Variants in XRCC5 observed in about 807,000 individuals in gnomAD.
XRCC5 encodes the protein X-ray repair cross complementing 5, also known as DNA repair protein Ku80.
Under a neutral mutation model 95.7 loss-of-function variants are expected in XRCC5, and 12 were observed. The ratio of observed to expected loss-of-function variants is 0.13; its 90% CI spans 0.08 to 0.20. The LOEUF is 0.20. XRCC5 is among the 10% of genes least tolerant of loss of function. The probability of loss-of-function intolerance (pLI) is 1.00; values close to 1 mark genes in which losing one functional copy is unlikely to be tolerated. For synonymous variants in XRCC5, 281 were observed against 290.3 expected (o/e 0.97, Z 0.33); for missense variants, 595 against 873.9 (o/e 0.68, Z 4.02).
At chr2:216,157,455 G>C (rs898434139) in intron 14 of XRCC5, among the ~76,000 whole-genome samples, 1 of 151,858 alleles carries the variant, frequency 6.6e-6, no homozygotes, top group South Asian at 2.1e-4. Flanking sequence ...GGATGATCTC[G>C]ATCTCCTGAC....
rs1489747396 is a variant in XRCC5 at position 216,109,349 on chromosome 2, C to G, written c.-88C>G. On this transcript the variant is annotated 5_prime_UTR_variant, in exon 1 of 21. Transcript: ENST00000392132. ...GCAGGAAACGAAGCGGCTCTTTCCG[C>G]TATCTGCCGCTTGTCCACCGGAAGC... 12 of 1,602,544 alleles carry G rather than the reference C, an allele frequency of 7.5e-6. No individual in the cohort carries two copies. The African/African-American group carries it at 1.2e-4, about 16-fold the overall frequency.
intron 3 of XRCC5, chr2:216,117,537 T>C (rs1270055555): frequency 4.0e-6 from 2 of 502,616 alleles, no homozygotes; most frequent in Non-Finnish European, 7.2e-6. Flanking sequence ...TTTATATTTC[T>C]TGGTTGTTTT....
At chr2:216,143,748 C>T (rs1697208121) in intron 13 of XRCC5, among the ~76,000 whole-genome samples, 1 of 151,804 alleles carries the variant, frequency 6.6e-6, no homozygotes, top group East Asian at 1.9e-4. Flanking sequence ...CACTCTGTCA[C>T]CCAGGCTGGA....
chr2:216,115,230 G>T (rs1696671500), intron 2 of XRCC5, among the ~76,000 whole-genome samples: 1 of 152,144 alleles, frequency 6.6e-6, no homozygotes, highest in African/African-American at 2.4e-5. Context: ...CCACTCCGGA[G>T]TTTCTCTGGA....
chr2:216,202,581 C>T (rs1689854589), intron 19 of XRCC5, among the ~76,000 whole-genome samples: 1 of 152,192 alleles, frequency 6.6e-6, no homozygotes, highest in Non-Finnish European at 1.5e-5. Context: ...GACTGTCTGC[C>T]TCCATTGCTG....
At chr2:216,114,278 T>C (rs1369679547) in intron 2 of XRCC5, among the ~76,000 whole-genome samples, 2 of 152,126 alleles carry the variant, frequency 1.3e-5, no homozygotes, top group African/African-American at 4.8e-5. Flanking sequence ...CTACTGCTGC[T>C]CCTCCTGGAC....
In XRCC5 at chr2:216,204,344, C is replaced by A. The variant is rs781043805; in HGVS notation, c.2132C>A (p.Pro711Gln). ...AKKFLAPKDK[P>Q]SGDTAAVFEE... is the part of the protein sequence containing the mutation. ...CAGTTTCTGGCCCCCAAAGACAAAC[C>A]AAGTGGAGACACAGCAGCTGTATTT... Residue 711 changes from proline (P) to glutamine (Q), a missense_variant, in exon 20 of 21, where the codon CCA becomes CAA. Pro to Gln is a moderately conservative substitution (Grantham distance 76). Coordinates refer to ENST00000392132, the MANE Select transcript of XRCC5 (RefSeq NM_021141.4). The A allele has an allele frequency of 1.4e-5, 22 of 1,613,760 alleles. No homozygotes were observed. Among genetic ancestry groups the A allele is most frequent in the Non-Finnish European group, 1.8e-5 (21 of 1,179,836 alleles).
chr2:216,155,880 A>T (rs1445959423), intron 14 of XRCC5, among the ~76,000 whole-genome samples: 1 of 152,204 alleles, frequency 6.6e-6, no homozygotes, highest in Non-Finnish European at 1.5e-5. Context: ...GAAAGGTACT[A>T]AAATACAACG....
At chr2:216,117,122 G>A (rs1696711799) in intron 3 of XRCC5, 1 of 403,796 alleles carries the variant, frequency 2.5e-6, no homozygotes, top group East Asian at 4.0e-5. Context: ...GAGTATATGT[G>A]AGCATTGACT....
At chr2:216,112,978 CTT>C (rs754627317) in intron 1 of XRCC5, 36 bp from the exon 2 acceptor site, 1 of 1,515,600 alleles carries the variant, frequency 6.6e-7, no homozygotes, top group Admixed American at 1.7e-5. Context: ...TTTCTTACGA[CTT>C]ATTTTCTCAA....
chr2:216,175,466 G>A (rs1026630328), intron 16 of XRCC5: 2 of 509,778 alleles, frequency 3.9e-6, no homozygotes, highest in African/African-American at 2.0e-5. Context: ...AGTTGTGCTT[G>A]TTAATAGTGT....
intron 16 of XRCC5, among the ~76,000 whole-genome samples, chr2:216,180,996 A>G (rs1013299158): frequency 4.0e-5 from 6 of 151,894 alleles, no homozygotes; most frequent in African/African-American, 1.5e-4. Flanking sequence ...TATTTTTAGT[A>G]GAGACGGGGT....
intron 16 of XRCC5, 48 bp downstream of exon 16, chr2:216,162,096 CTAATT>C (rs757179981): frequency 2.6e-6 from 4 of 1,527,906 alleles, no homozygotes; most frequent in Non-Finnish European, 3.6e-6. Flanking sequence ...GTTAAGCTAA[CTAATT>C]TAAAGTCTAG....
In XRCC5 at chr2:216,170,195, G is replaced by A. The variant is rs150470170; in HGVS notation, c.1834+8147G>A. Among the ~76,000 whole-genome samples the A allele has an allele frequency of 3.8e-3, 585 of 152,138 alleles. 1 individual carries two copies. The highest frequency in any genetic ancestry group is 0.013 in the African/African-American group (560 of 41,504). ...TAGGATTTCTAGTTTACATTTCTCA[G>A]TGAGCACCTGAATTTCTTCCTGAGA... On this transcript the variant is annotated intron_variant, in intron 16 of 20. Coordinates refer to ENST00000392132, the MANE Select transcript of XRCC5 (RefSeq NM_021141.4).
At chr2:216,127,070 G>C (rs1167972313) in intron 7 of XRCC5, among the ~76,000 whole-genome samples, 1 of 152,006 alleles carries the variant, frequency 6.6e-6, no homozygotes, top group Admixed American at 6.6e-5. Context: ...TGGTCAACCT[G>C]TCTCTACTAA....
At chr2:216,195,649 T>C (rs1488559575) in intron 19 of XRCC5, among the ~76,000 whole-genome samples, 1 of 152,186 alleles carries the variant, frequency 6.6e-6, no homozygotes, top group Non-Finnish European at 1.5e-5. Context: ...TTCACACACA[T>C]TGTTAGGCCT....
intron 14 of XRCC5, among the ~76,000 whole-genome samples, chr2:216,148,926 ATTG>A (rs1027095785): frequency 8.8e-4 from 134 of 152,086 alleles, no homozygotes; most frequent in African/African-American, 3.2e-3. Flanking sequence ...ACAAGAAGAA[ATTG>A]TTGTTGCTTA....
At position 216,206,171 on chromosome 2, in the gene XRCC5, T is replaced by C. The variant is rs1689940169; in HGVS notation, c.*969T>C. 6.6e-6 allele frequency: 1 copy of C among 152,218 alleles called. No homozygotes were observed. The highest frequency in any genetic ancestry group is 2.4e-5 in the African/African-American group (1 of 41,454). The allele number at this position is 152,218 out of a possible 1,614,324, so 9.4% of individuals were successfully genotyped here. A position where few individuals can be genotyped will look rare whatever the true frequency, so the allele number is the denominator to read the frequency against. ...CATTCTTGCCTTGAGTTCCAGTTCC[T>C]CTTTGGTGTACAGACTTCTTGGTAC... On this transcript the variant is annotated 3_prime_UTR_variant, in exon 21 of 21. Coordinates refer to ENST00000392132, the MANE Select transcript of XRCC5 (RefSeq NM_021141.4).
intron 17 of XRCC5, among the ~76,000 whole-genome samples, chr2:216,191,806 C>G (rs1004246568): frequency 2.0e-5 from 3 of 152,068 alleles, no homozygotes; most frequent in Non-Finnish European, 4.4e-5. Flanking sequence ...TAAGAAGTTA[C>G]TAATTTTTTA....
Sources: gnomAD v4.1 joint callset for allele counts (sites outside exome capture counted in the v4.1 genomes callset) on GRCh38, gnomAD v4.1.1 for gene constraint, MANE v1.5 for transcripts, NCBI Gene and HGNC (gene_info 2026-07-23, HGNC 2026-07-21) for gene names.